JARID2: variants seen among roughly 807,000 people sequenced by gnomAD.
JARID2 encodes the protein jumonji and AT-rich interaction domain containing 2, also known as protein Jumonji.
A neutral mutation model predicts 125.6 loss-of-function variants in JARID2; 21 were observed. The ratio of observed to expected loss-of-function variants is 0.17; its 90% CI spans 0.12 to 0.24. The LOEUF (loss-of-function observed/expected upper bound fraction) is 0.24, where lower values mean the gene tolerates loss of function less well. Among genes scored for constraint, JARID2 ranks in the 10% least tolerant of loss-of-function variants. JARID2 has a pLI of 1.00. For missense variants in JARID2, 1,303 were observed against 1,639.6 expected (o/e 0.79, Z 3.55); for synonymous variants, 736 against 661.6 (o/e 1.11, Z -1.73).
intron 1 of JARID2, among the ~76,000 whole-genome samples, chr6:15,327,528 AGTGTGTGT>A (rs10577382): frequency 5.4e-5 from 8 of 149,378 alleles, no homozygotes; most frequent in Admixed American, 2.7e-4. Flanking sequence ...ATTCTGGAAG[AGTGTGTGT>A]GTGTGTGTGT....
intron 5 of JARID2, among the ~76,000 whole-genome samples, chr6:15,479,213 G>GC (rs1769495946): frequency 2.0e-5 from 3 of 152,294 alleles, no homozygotes; most frequent in South Asian, 4.1e-4. Flanking sequence ...AGGCCGCGGG[G>GC]CTAGTAATCA....
chr6:15,441,964 A>G (rs956454616), intron 3 of JARID2, among the ~76,000 whole-genome samples: 15 of 151,840 alleles, frequency 9.9e-5, no homozygotes, highest in African/African-American at 3.6e-4. Flanking sequence ...GCTAATTTTT[A>G]TATTTTTAGT....
chr6:15,294,089 T>C (rs1482214276), intron 1 of JARID2, among the ~76,000 whole-genome samples: 1 of 152,248 alleles, frequency 6.6e-6, no homozygotes, highest in Non-Finnish European at 1.5e-5. Context: ...CCTTATAGTA[T>C]GGTCAGTGAA....
intron 3 of JARID2, among the ~76,000 whole-genome samples, chr6:15,443,861 G>A (rs1012526241): frequency 6.6e-6 from 1 of 152,106 alleles, no homozygotes; most frequent in Non-Finnish European, 1.5e-5. Context: ...CTCAGGTTTT[G>A]TGACACCACT....
intron 14 of JARID2, among the ~76,000 whole-genome samples, chr6:15,512,607 T>C (rs1771332532): frequency 6.6e-6 from 1 of 152,158 alleles, no homozygotes; most frequent in South Asian, 2.1e-4. Context: ...GATCAGACCG[T>C]TACTGACAGA....
intron 5 of JARID2, among the ~76,000 whole-genome samples, chr6:15,469,384 CTCTCCCCCTTTCCCCCT>C (rs1768950197): frequency 9.5e-5 from 5 of 52,382 alleles, no homozygotes; most frequent in Non-Finnish European, 1.9e-4. Context: ...CCCTCTCCCC[CTCTCCCCCTTTCCCCCT>C]CTCCCCCTCT....
chr6:15,518,984 T>C (rs2127776212), intron 17 of JARID2, among the ~76,000 whole-genome samples: 1 of 152,260 alleles, frequency 6.6e-6, no homozygotes, highest in Middle Eastern at 3.4e-3. Context: ...TTCTCATGGA[T>C]GGTGAAGCTC....
At chr6:15,440,705 C>A (rs75112457) in intron 3 of JARID2, among the ~76,000 whole-genome samples, 1 of 152,320 alleles carries the variant, frequency 6.6e-6, no homozygotes, top group African/African-American at 2.4e-5. Context: ...TGCTCAGACA[C>A]TGTGTCTGTA....
chr6:15,369,488 G>T lies in JARID2; in HGVS notation c.46-4629G>T, dbSNP rs1764089715. Among the ~76,000 whole-genome samples the T allele has an allele frequency of 3.9e-5, 6 of 152,180 alleles. No individual in the cohort carries two copies. The South Asian group carries it at 1.2e-3, about 32-fold the overall frequency. ...ATTAAGCTGACCAGTAAACCAGAAT[G>T]CATGGGGTGCTTGGTTTTGTGGGCC... On this transcript the variant is annotated intron_variant, in intron 1 of 17. Coordinates refer to ENST00000341776, the MANE Select transcript of JARID2 (RefSeq NM_004973.4).
At chr6:15,293,948 TTCTC>T (rs1392703988) in intron 1 of JARID2, among the ~76,000 whole-genome samples, 2 of 152,342 alleles carry the variant, frequency 1.3e-5, no homozygotes, top group Middle Eastern at 3.4e-3. Context: ...AAGTTGATCT[TTCTC>T]TATCTCTTTT....
chr6:15,454,488 G>A (rs1203967820), intron 4 of JARID2, among the ~76,000 whole-genome samples: 7 of 152,244 alleles, frequency 4.6e-5, no homozygotes, highest in South Asian at 2.1e-4. Flanking sequence ...TGGAGACAGG[G>A]TCTTGTCTCA....
intron 1 of JARID2, among the ~76,000 whole-genome samples, chr6:15,355,346 A>G (rs1763561666): frequency 6.6e-6 from 1 of 152,192 alleles, no homozygotes; most frequent in African/African-American, 2.4e-5. Context: ...TTTTACTCAA[A>G]GTGATTATGA....
chr6:15,433,921 GGTGTGTGT>G (rs146025914), intron 3 of JARID2, among the ~76,000 whole-genome samples: 4,122 of 131,314 alleles, frequency 0.031, 92 homozygotes, highest in African/African-American at 0.057. Context: ...CACTCTCCAG[GGTGTGTGT>G]GTGTGTGTGT....
In JARID2 at chr6:15,496,413, G is replaced by C. The variant is rs149943687; in HGVS notation, c.1188G>C (p.Ala396=). 1.2e-6 allele frequency: 2 copies of C among 1,613,750 alleles called. No homozygotes were observed. Among genetic ancestry groups the C allele is most frequent in the Non-Finnish European group, 1.7e-6 (2 of 1,179,902 alleles). The change falls in exon 7 of 18, where the codon GCG becomes GCC. Residue 396 remains alanine (A), a synonymous_variant. Transcript: ENST00000341776. ...TRKQVLSLGG[A]SKSTGPAVNG... is the part of the protein sequence containing the mutation. ...AACAGGTGCTATCCCTCGGGGGGGC[G>C]TCCAAGTCCACTGGGCCCGCCGTCA...
At chr6:15,302,253 T>A (rs1031611637) in intron 1 of JARID2, among the ~76,000 whole-genome samples, 10 of 152,074 alleles carry the variant, frequency 6.6e-5, no homozygotes, top group African/African-American at 2.2e-4. Context: ...CCATCTCTAC[T>A]AAAAATACAA....
chr6:15,275,820 A>G (rs1208053422), intron 1 of JARID2, among the ~76,000 whole-genome samples: 4 of 151,916 alleles, frequency 2.6e-5, no homozygotes, highest in Non-Finnish European at 4.4e-5. Flanking sequence ...TGCTTGTGTC[A>G]CTGCTACAGG....
intron 1 of JARID2, among the ~76,000 whole-genome samples, chr6:15,308,464 A>G (rs2127422844): frequency 6.6e-6 from 1 of 152,280 alleles, no homozygotes; most frequent in Admixed American, 6.5e-5. Context: ...CCTAAATGTA[A>G]TGCTTTCTTC....
At chr6:15,460,633 T>G (rs1430605856) in intron 4 of JARID2, among the ~76,000 whole-genome samples, 1 of 152,196 alleles carries the variant, frequency 6.6e-6, no homozygotes, top group Non-Finnish European at 1.5e-5. Flanking sequence ...AGGCCTCACA[T>G]GATTCGCACA....
chr6:15,488,091 C>T (rs1769969724), intron 6 of JARID2, among the ~76,000 whole-genome samples: 1 of 152,152 alleles, frequency 6.6e-6, no homozygotes. Context: ...CTGTAGCATC[C>T]ACAGAGTGTA....
Sources: allele counts gnomAD v4.1 joint callset (sites outside exome capture counted in the v4.1 genomes callset), GRCh38; gene constraint gnomAD v4.1.1; transcripts MANE v1.5; gene names NCBI Gene and HGNC (gene_info 2026-07-23, HGNC 2026-07-21).